DGKB: variants seen among roughly 807,000 people sequenced by gnomAD.
The protein encoded by DGKB is 90 kDa diacylglycerol kinase.
DGKB carries 67 observed loss-of-function variants against 114.3 expected under a neutral mutation model. The observed-to-expected ratio is 0.59, with a 90% CI of 0.48 to 0.72. The LOEUF is 0.72. Among genes scored for constraint, DGKB ranks in the 30% least tolerant of loss-of-function variants. The probability of loss-of-function intolerance (pLI) is 0.00; values close to 1 mark genes in which losing one functional copy is unlikely to be tolerated. For missense variants in DGKB, 907 were observed against 975.2 expected (o/e 0.93, Z 0.93); for synonymous variants, 398 against 323.1 (o/e 1.23, Z -2.49).
At chr7:14,592,202 G>A (rs1345926578) in intron 17 of DGKB, among the ~76,000 whole-genome samples, 1 of 151,796 alleles carries the variant, frequency 6.6e-6, no homozygotes, top group African/African-American at 2.4e-5. Flanking sequence ...TATACATGGT[G>A]AATGCTCGCT....
chr7:14,889,643 T>C (rs1262110689), intron 1 of DGKB, among the ~76,000 whole-genome samples: 1 of 151,266 alleles, frequency 6.6e-6, no homozygotes, highest in Non-Finnish European at 1.5e-5. Flanking sequence ...GTTTTTCTCA[T>C]TGTAAAAGAA....
chr7:14,836,192 A>G (rs1847133883), intron 2 of DGKB, among the ~76,000 whole-genome samples: 1 of 152,202 alleles, frequency 6.6e-6, no homozygotes, highest in African/African-American at 2.4e-5. Context: ...GTCACACCAC[A>G]TGCCTCACTG....
intron 2 of DGKB, among the ~76,000 whole-genome samples, chr7:14,801,609 G>T (rs1021380668): frequency 6.6e-6 from 1 of 151,850 alleles, no homozygotes; most frequent in African/African-American, 2.4e-5. Context: ...CTGCCTGATT[G>T]AGCTGGGACA....
At chr7:14,617,862 C>T (rs1806837337) in intron 15 of DGKB, among the ~76,000 whole-genome samples, 1 of 151,598 alleles carries the variant, frequency 6.6e-6, no homozygotes, top group South Asian at 2.1e-4. Flanking sequence ...TTAATGGGGC[C>T]TAAACTAGCC....
At chr7:14,659,899 T>C (rs1816675023) in intron 13 of DGKB, among the ~76,000 whole-genome samples, 1 of 152,020 alleles carries the variant, frequency 6.6e-6, no homozygotes. Flanking sequence ...TATTTTGAAA[T>C]ACGTCCCATC....
rs1831662661 is a variant in DGKB, at chr7:14,736,058, G to A, written c.305C>T (p.Pro102Leu). 6.2e-7 allele frequency: 1 copy of A among 1,603,030 alleles called. No homozygotes were observed. Among genetic ancestry groups the A allele is most frequent in the African/African-American group, 1.3e-5 (1 of 74,726 alleles). ...PHSSPMVKSK[P>L]ALLSGGLRMN... is the part of the protein sequence containing the mutation. ...AAACTTACCGCCTGATAGGAGAGCA[G>A]GCTTACTTTTTACCATTGGACTAGA... The change falls in exon 5 of 26, where the codon CCT becomes CTT. Residue 102 changes from proline to leucine, a missense_variant. Around this residue, in one of 3 missense-constraint regions of DGKB, gnomAD observed 814 missense variants for 856.6 expected, o/e 0.95. Coordinates refer to ENST00000402815, the MANE Select transcript of DGKB (RefSeq NM_001350709.2).
At chr7:14,500,162 C>T (rs1388841383) in intron 20 of DGKB, among the ~76,000 whole-genome samples, 1 of 151,718 alleles carries the variant, frequency 6.6e-6, no homozygotes, top group Non-Finnish European at 1.5e-5. Flanking sequence ...GCTGTAAATC[C>T]ATGCTAACTT....
At chr7:14,238,418 T>TTAAC (rs1475041386) in intron 23 of DGKB, among the ~76,000 whole-genome samples, 1 of 152,002 alleles carries the variant, frequency 6.6e-6, no homozygotes, top group Non-Finnish European at 1.5e-5. Context: ...GGTGAGTTAA[T>TTAAC]TAACTTTCTT....
At chr7:14,614,356 T>G (rs1806144009) in intron 15 of DGKB, among the ~76,000 whole-genome samples, 1 of 152,126 alleles carries the variant, frequency 6.6e-6, no homozygotes, top group African/African-American at 2.4e-5. Flanking sequence ...CTATTCAATG[T>G]AACCCTATGT....
chr7:14,829,451 G>A (rs983688395), intron 2 of DGKB, among the ~76,000 whole-genome samples: 2 of 152,076 alleles, frequency 1.3e-5, no homozygotes, highest in African/African-American at 4.8e-5. Flanking sequence ...AGATACCCAA[G>A]CACTTGAAAG....
intron 2 of DGKB, among the ~76,000 whole-genome samples, chr7:14,803,645 G>A (rs1237305420): frequency 2.1e-5 from 3 of 144,320 alleles, no homozygotes; most frequent in Non-Finnish European, 4.5e-5. Flanking sequence ...GCTTTTTAAT[G>A]TAATTTATTT....
chr7:14,930,069 C>T (rs1366423872), intron 1 of DGKB, among the ~76,000 whole-genome samples: 2 of 151,936 alleles, frequency 1.3e-5, no homozygotes, highest in East Asian at 3.9e-4. Flanking sequence ...CTATTCTGTC[C>T]CATTGATCTG....
intron 1 of DGKB, among the ~76,000 whole-genome samples, chr7:14,864,794 C>CAAA (rs34188189): frequency 7.1e-6 from 1 of 141,570 alleles, no homozygotes; most frequent in Non-Finnish European, 1.5e-5. Flanking sequence ...GAGATGATGA[C>CAAA]AAAAAAAAAA....
chr7:14,241,604 T>C (rs1365796108), intron 23 of DGKB, among the ~76,000 whole-genome samples: 1 of 151,742 alleles, frequency 6.6e-6, no homozygotes, highest in Non-Finnish European at 1.5e-5. Context: ...GAATTGGAAA[T>C]TTTTTTTGTA....
chr7:14,261,300 G>GTGTT (rs1356440845), intron 23 of DGKB, among the ~76,000 whole-genome samples: 2 of 151,200 alleles, frequency 1.3e-5, no homozygotes, highest in African/African-American at 2.4e-5. Flanking sequence ...AAAATAACTA[G>GTGTT]TGTTTTAGGC....
At chr7:14,204,489 C>T (rs1399273509) in intron 23 of DGKB, among the ~76,000 whole-genome samples, 1 of 151,974 alleles carries the variant, frequency 6.6e-6, no homozygotes, top group Admixed American at 6.6e-5. Flanking sequence ...ATACTTTAAT[C>T]CATTAGATGA....
intron 1 of DGKB, among the ~76,000 whole-genome samples, chr7:14,862,401 C>T (rs1051517839): frequency 6.6e-6 from 1 of 151,986 alleles, no homozygotes; most frequent in Non-Finnish European, 1.5e-5. Context: ...ACAATAGCTG[C>T]TAATGATTTT....
At chr7:14,337,045 A>C (rs1485852155) in intron 23 of DGKB, among the ~76,000 whole-genome samples, 1 of 152,188 alleles carries the variant, frequency 6.6e-6, no homozygotes, top group African/African-American at 2.4e-5. Context: ...GTAGTACCTA[A>C]TAATACAGGC....
chr7:14,221,315 T>TA (rs1789924420), intron 23 of DGKB, among the ~76,000 whole-genome samples: 1 of 151,488 alleles, frequency 6.6e-6, no homozygotes, highest in South Asian at 2.1e-4. Context: ...TTGTGGGTTT[T>TA]ACATAGAAGC....
Sources: gnomAD v4.1 joint callset for allele counts (sites outside exome capture counted in the v4.1 genomes callset) on GRCh38, gnomAD v4.1.1 for gene constraint, gnomAD v4.1.1 regional missense constraint, MANE v1.5 for transcripts, NCBI Gene and HGNC (gene_info 2026-07-23, HGNC 2026-07-21) for gene names.